ZNF609: variants seen among roughly 807,000 people sequenced by gnomAD.
ZNF609 encodes zinc finger protein 609.
Under a neutral mutation model 109.5 loss-of-function variants are expected in ZNF609, and 11 were observed. The ratio of observed to expected loss-of-function variants is 0.10; its 90% CI spans 0.06 to 0.17. The LOEUF (loss-of-function observed/expected upper bound fraction) is 0.17. ZNF609 is among the 10% of genes least tolerant of loss of function. The probability of loss-of-function intolerance (pLI) is 1.00; values close to 1 mark genes in which losing one functional copy is unlikely to be tolerated. For missense variants in ZNF609, 1,559 were observed against 1,772.4 expected, an observed-to-expected ratio of 0.88 and a Z score of 2.16; for synonymous variants, 646 against 662.0, an observed-to-expected ratio of 0.98 and a Z score of 0.37.
intron 2 of ZNF609, among the ~76,000 whole-genome samples, chr15:64,549,287 T>G (rs1337972257): frequency 6.6e-6 from 1 of 151,824 alleles, no homozygotes; most frequent in Non-Finnish European, 1.5e-5. Flanking sequence ...GCCTCCCGGG[T>G]TCAAGCAATT....
chr15:64,532,438 C>T (rs1406814356), intron 2 of ZNF609, among the ~76,000 whole-genome samples: 1 of 152,012 alleles, frequency 6.6e-6, no homozygotes, highest in African/African-American at 2.4e-5. Context: ...AGTACCTGGC[C>T]CAATAAATAT....
chr15:64,643,339 G>A (rs900557245), intron 3 of ZNF609, among the ~76,000 whole-genome samples: 3 of 152,166 alleles, frequency 2.0e-5, no homozygotes, highest in Non-Finnish European at 2.9e-5. Context: ...AACCTCTAAA[G>A]AGAACTAGAA....
intron 2 of ZNF609, among the ~76,000 whole-genome samples, chr15:64,613,712 G>A (rs1567029632): frequency 1.3e-5 from 2 of 151,818 alleles, no homozygotes; most frequent in African/African-American, 4.8e-5. Context: ...CACCATGCCC[G>A]GCTAATTTTT....
intron 2 of ZNF609, among the ~76,000 whole-genome samples, chr15:64,542,710 C>T (rs1894285872): frequency 6.6e-6 from 1 of 152,094 alleles, no homozygotes; most frequent in South Asian, 2.1e-4. Flanking sequence ...TTCAGAAGTC[C>T]CATGTCCTGT....
At chr15:64,636,594 C>G (rs1181391789) in intron 3 of ZNF609, among the ~76,000 whole-genome samples, 1 of 152,224 alleles carries the variant, frequency 6.6e-6, no homozygotes, top group East Asian at 1.9e-4. Context: ...TGTGCATATT[C>G]TCATTTATGA....
chr15:64,682,423 C>T lies in ZNF609; in HGVS notation c.*737C>T, dbSNP rs1567047600. 6.5e-6 allele frequency: 1 copy of T among 152,686 alleles called. No homozygotes were observed. Among genetic ancestry groups the T allele is most frequent in the Non-Finnish European group, 1.5e-5 (1 of 68,064 alleles). 9.5% of individuals were successfully genotyped at this position (152,686 alleles called of 1,614,324 possible). A position where few individuals can be genotyped will look rare whatever the true frequency, so the allele number is the denominator to read the frequency against. On this transcript the variant is annotated 3_prime_UTR_variant, in exon 10 of 10. Transcript: ENST00000326648. ...GGGTTCCAACACCAGCACAGGGCTC[C>T]CCAGGGACACTGGGAGCAAGCTGGT...
chr15:64,559,629 A>T (rs1894645863), intron 2 of ZNF609, among the ~76,000 whole-genome samples: 1 of 152,338 alleles, frequency 6.6e-6, no homozygotes, highest in African/African-American at 2.4e-5. Flanking sequence ...AGCAGGAAAG[A>T]TGGGCATATA....
chr15:64,630,367 C>T lies in ZNF609; in HGVS notation c.973+7315C>T, dbSNP rs1896052053. The stretch of plus-strand genomic sequence containing the variant: ...GACTACAGGCATGAGCCACCATGCC[C>T]AGTACCATCCTCCTAATTTTCTAGG... On this transcript the variant is annotated intron_variant, in intron 3 of 9. Transcript: ENST00000326648. Among the ~76,000 whole-genome samples the T allele has an allele frequency of 2.0e-5, 3 of 151,750 alleles. No individual in the cohort carries two copies. The South Asian group carries it at 6.2e-4, about 31-fold the overall frequency.
chr15:64,477,592 A>AT (rs1893191539), intron 1 of ZNF609, among the ~76,000 whole-genome samples: 1 of 150,970 alleles, frequency 6.6e-6, no homozygotes, highest in Non-Finnish European at 1.5e-5. Context: ...TATACCTAAT[A>AT]TGCAAGCAAT....
At chr15:64,514,087 CAA>C (rs371289323) in intron 2 of ZNF609, among the ~76,000 whole-genome samples, 3 of 97,038 alleles carry the variant, frequency 3.1e-5, no homozygotes, top group African/African-American at 3.6e-5. Flanking sequence ...GCAAGACCCT[CAA>C]AAAAAAAAAA....
chr15:64,503,653 TAAAG>T (rs896537776), intron 2 of ZNF609, among the ~76,000 whole-genome samples: 16 of 152,166 alleles, frequency 1.1e-4, no homozygotes, highest in African/African-American at 3.9e-4. Flanking sequence ...CTCTAGTAGT[TAAAG>T]AAAGGATCTA....
chr15:64,596,922 A>C (rs1479212387), intron 2 of ZNF609, among the ~76,000 whole-genome samples: 2 of 152,190 alleles, frequency 1.3e-5, no homozygotes, highest in Non-Finnish European at 2.9e-5. Flanking sequence ...GGGAAACTAA[A>C]AGCTGTACTT....
intron 2 of ZNF609, among the ~76,000 whole-genome samples, chr15:64,564,239 G>A (rs1894738301): frequency 6.6e-6 from 1 of 151,930 alleles, no homozygotes; most frequent in Non-Finnish European, 1.5e-5. Context: ...GTAAGGTTAG[G>A]TACTATTCGT....
At chr15:64,538,241 A>G (rs1481641727) in intron 2 of ZNF609, among the ~76,000 whole-genome samples, 1 of 152,226 alleles carries the variant, frequency 6.6e-6, no homozygotes, top group Non-Finnish European at 1.5e-5. Flanking sequence ...TTCTAGTGAT[A>G]AGATGTTCAA....
chr15:64,469,474 C>A (rs1263558141), intron 1 of ZNF609, among the ~76,000 whole-genome samples: 5 of 126,286 alleles, frequency 4.0e-5, no homozygotes, highest in Non-Finnish European at 3.4e-5. Context: ...AAGAACAGGA[C>A]AAAAATATTT....
intron 1 of ZNF609, among the ~76,000 whole-genome samples, chr15:64,493,414 T>C (rs1893441011): frequency 6.6e-6 from 1 of 152,224 alleles, no homozygotes; most frequent in Non-Finnish European, 1.5e-5. Context: ...TGATTTACAA[T>C]GTACAAGCCT....
chr15:64,624,055 T>C (rs1895916552), intron 3 of ZNF609, among the ~76,000 whole-genome samples: 2 of 152,214 alleles, frequency 1.3e-5, no homozygotes, highest in Non-Finnish European at 2.9e-5. Flanking sequence ...TAATAAAATC[T>C]GTTCCCCTGA....
rs191284126 is a variant in ZNF609 at position 64,599,923 on chromosome 15, T to C, written c.748-22904T>C. The stretch of plus-strand genomic sequence containing the variant: ...CTTATTCTTTAGGTCCACTCCAGCA[T>C]TGAGTCATCCCTATTCCCTCTGGCA... On this transcript the variant is annotated intron_variant, in intron 2 of 9. Coordinates refer to ENST00000326648, the MANE Select transcript of ZNF609 (RefSeq NM_015042.2). Among the ~76,000 whole-genome samples the C allele has an allele frequency of 9.1e-4, 139 of 152,310 alleles. 1 individual carries two copies. Among genetic ancestry groups the C allele is most frequent in the African/African-American group, 3.0e-3 (124 of 41,570 alleles).
intron 2 of ZNF609, among the ~76,000 whole-genome samples, chr15:64,614,390 C>T (rs542205477): frequency 6.4e-4 from 98 of 152,064 alleles, no homozygotes; most frequent in African/African-American, 2.3e-3. Context: ...CCACAATGCC[C>T]GGCTATTTTT....
Sources: gnomAD v4.1 joint callset for allele counts (sites outside exome capture counted in the v4.1 genomes callset) on GRCh38, gnomAD v4.1.1 for gene constraint, MANE v1.5 for transcripts, NCBI Gene and HGNC (gene_info 2026-07-23, HGNC 2026-07-21) for gene names.